LRP1B: variants seen among roughly 807,000 people sequenced by gnomAD.
The protein encoded by LRP1B is low-density lipoprotein receptor-related protein 1B.
A neutral mutation model predicts 556.6 loss-of-function variants in LRP1B; 217 were observed. The observed-to-expected ratio is 0.39, with a 90% CI of 0.35 to 0.44. The LOEUF is 0.44. LRP1B is among the 20% of genes least tolerant of loss of function. The pLI, the probability that LRP1B is intolerant of heterozygous loss-of-function variation, is 1.00. For synonymous variants in LRP1B, 2,047 were observed against 1,865.8 expected, an observed-to-expected ratio of 1.10 and a Z score of -2.50; for missense variants, 5,053 against 5,620.8, an observed-to-expected ratio of 0.90 and a Z score of 3.23.
intron 6 of LRP1B, among the ~76,000 whole-genome samples, chr2:141,224,646 A>T (rs1421207287): frequency 6.6e-6 from 1 of 152,194 alleles, no homozygotes; most frequent in Non-Finnish European, 1.5e-5. Context: ...GCCATAAAAA[A>T]GACAGATTAT....
intron 41 of LRP1B, among the ~76,000 whole-genome samples, chr2:140,694,991 CT>C (rs971602305): frequency 1.3e-4 from 19 of 150,542 alleles, no homozygotes; most frequent in Admixed American, 1.3e-4. Flanking sequence ...TCTTTTCATA[CT>C]TTTTTTTTCT....
chr2:141,080,414 T>C (rs1441237777), intron 7 of LRP1B, among the ~76,000 whole-genome samples: 1 of 152,208 alleles, frequency 6.6e-6, no homozygotes, highest in African/African-American at 2.4e-5. Flanking sequence ...TGTGAGCCTA[T>C]CTTTAGCTCC....
rs527339614 is a variant in LRP1B at position 140,621,829 on chromosome 2, G to A, written c.6800-20190C>T. Among the ~76,000 whole-genome samples, 21 of 152,204 alleles carry A rather than the reference G, an allele frequency of 1.4e-4. No individual in the cohort carries two copies. The South Asian group carries it at 2.3e-3, about 17-fold the overall frequency. On this transcript the variant is annotated intron_variant, in intron 41 of 90. Transcript: ENST00000389484. ...ACTTAACGAAGATGGATTACATCCC[G>A]CAGATGAGATGCAGCCTATAAATAC...
chr2:141,144,250 A>G (rs978462691), intron 7 of LRP1B, among the ~76,000 whole-genome samples: 1 of 152,224 alleles, frequency 6.6e-6, no homozygotes, highest in African/African-American at 2.4e-5. Flanking sequence ...TTTCAATTTT[A>G]CAGATAAGTA....
intron 2 of LRP1B, among the ~76,000 whole-genome samples, chr2:141,573,553 G>A (rs912168188): frequency 1.3e-5 from 2 of 149,818 alleles, no homozygotes; most frequent in Non-Finnish European, 3.0e-5. Context: ...GTAAGAACAA[G>A]CTAATCCAAA....
rs1012546237 is a variant in LRP1B at position 141,810,318 on chromosome 2, G to T, written c.166C>A (p.Pro56Thr). Residue 56 changes from proline (P) to threonine (T), a missense_variant, in exon 2 of 91, where the codon CCT (proline) becomes ACT (threonine). By Grantham distance (38) the Pro-to-Thr change is conservative. Coordinates refer to ENST00000389484, the MANE Select transcript of LRP1B (RefSeq NM_018557.3). ...TCGTCTGAATCATCAGGGCAGTCAG[G>T]GTCCCCATCACACAGCCAGCTCTGG... ...VSQSWLCDGDPDCPDDSDESL... is the reference protein window; with the variant it reads ...VSQSWLCDGDTDCPDDSDESL... The T allele has an allele frequency of 3.1e-6, 5 of 1,613,098 alleles. No homozygotes were observed. The highest frequency in any genetic ancestry group is 4.2e-6 in the Non-Finnish European group (5 of 1,179,478).
rs2105455954 is a variant in LRP1B at position 141,055,194 on chromosome 2, G to A, written c.1474C>T (p.Leu492Phe). ...MPGGCSHICL[L>F]SSSYKTRTCR... ...GTCCGAGTTTTGTAACTGCTGCTGAGTAGACAGATGTGTGAACAGCCCCCT... is the reference window on the plus strand; with the variant it reads ...GTCCGAGTTTTGTAACTGCTGCTGAATAGACAGATGTGTGAACAGCCCCCT... Residue 492 changes from leucine to phenylalanine, a missense_variant, in exon 10 of 91, where the codon CTC becomes TTC. Coordinates refer to ENST00000389484, the MANE Select transcript of LRP1B (RefSeq NM_018557.3). The A allele has an allele frequency of 1.2e-6, 2 of 1,612,394 alleles. No homozygotes were observed. The highest frequency in any genetic ancestry group is 1.1e-5 in the South Asian group (1 of 91,014).
intron 7 of LRP1B, among the ~76,000 whole-genome samples, chr2:141,064,403 T>C (rs1699424549): frequency 6.6e-6 from 1 of 151,950 alleles, no homozygotes; most frequent in South Asian, 2.1e-4. Context: ...TTTTTCATTC[T>C]TTTTGACCTT....
intron 2 of LRP1B, among the ~76,000 whole-genome samples, chr2:141,512,880 A>G (rs1258180958): frequency 6.6e-6 from 1 of 152,176 alleles, no homozygotes; most frequent in Non-Finnish European, 1.5e-5. Flanking sequence ...TCAATCCCAT[A>G]CTGTGTCTTT....
intron 7 of LRP1B, among the ~76,000 whole-genome samples, chr2:141,089,548 C>T (rs1008764966): frequency 6.6e-6 from 1 of 152,170 alleles, no homozygotes; most frequent in Non-Finnish European, 1.5e-5. Flanking sequence ...TTATAAGCTT[C>T]CCATTCTGTA....
chr2:141,237,823 G>GAGCT (rs1683701716), intron 5 of LRP1B, among the ~76,000 whole-genome samples: 2 of 152,030 alleles, frequency 1.3e-5, no homozygotes, highest in African/African-American at 2.4e-5. Flanking sequence ...GTTTTGCAGA[G>GAGCT]AGCTGGTCCA....
chr2:142,045,141 G>A (rs2105221575), intron 1 of LRP1B, among the ~76,000 whole-genome samples: 1 of 26,052 alleles, frequency 3.8e-5, no homozygotes, highest in Admixed American at 6.4e-4. Context: ...TACCCAAGGG[G>A]GAAAAAAAAA....
intron 20 of LRP1B, among the ~76,000 whole-genome samples, chr2:140,933,539 A>G (rs1695115638): frequency 6.6e-6 from 1 of 152,132 alleles, no homozygotes; most frequent in South Asian, 2.1e-4. Context: ...TGTCATTTTT[A>G]AAGCTCTGCT....
intron 16 of LRP1B, 95 bp from the exon 17 acceptor site, chr2:140,989,752 T>G: frequency 8.4e-7 from 1 of 1,192,282 alleles, no homozygotes; most frequent in Non-Finnish European, 1.2e-6. Flanking sequence ...AGTAATAATA[T>G]TATAGTACAA....
intron 7 of LRP1B, among the ~76,000 whole-genome samples, chr2:141,067,133 T>C (rs759441789): frequency 6.6e-6 from 1 of 152,004 alleles, no homozygotes; most frequent in Non-Finnish European, 1.5e-5. Context: ...TTGTACCTTG[T>C]ACAAAACTTG....
intron 2 of LRP1B, among the ~76,000 whole-genome samples, chr2:141,662,209 A>G (rs1035201163): frequency 6.6e-6 from 1 of 152,190 alleles, no homozygotes; most frequent in African/African-American, 2.4e-5. Flanking sequence ...AAAGCATGTT[A>G]CCAGCCACTA....
rs1694972343 is a variant in LRP1B at position 141,773,772 on chromosome 2, G to A, written c.205+36507C>T. Among the ~76,000 whole-genome samples, 3 of 152,338 alleles carry A rather than the reference G, an allele frequency of 2.0e-5. No homozygotes were observed. In the South Asian group the frequency reaches 6.2e-4, roughly 32 times the overall value. On this transcript the variant is annotated intron_variant, in intron 2 of 90. Transcript: ENST00000389484. ...AACAAAACAACCTACATCTATAGAG[G>A]AAAAGGTTTTTGCCAAGTACTTGAA...
intron 1 of LRP1B, among the ~76,000 whole-genome samples, chr2:142,130,176 G>T (rs1362389488): frequency 6.6e-6 from 1 of 152,196 alleles, no homozygotes; most frequent in East Asian, 1.9e-4. Context: ...CTGAATCGGC[G>T]CTTTCGCCGC....
intron 2 of LRP1B, among the ~76,000 whole-genome samples, chr2:141,567,043 A>T (rs908329245): frequency 6.6e-6 from 1 of 152,200 alleles, no homozygotes; most frequent in Non-Finnish European, 1.5e-5. Flanking sequence ...ATGAAAAAAG[A>T]TTAGAAAATT....
Sources: allele counts gnomAD v4.1 joint callset (sites outside exome capture counted in the v4.1 genomes callset), GRCh38; gene constraint gnomAD v4.1.1; transcripts MANE v1.5; gene names NCBI Gene and HGNC (gene_info 2026-07-23, HGNC 2026-07-21).